The following EIF4G3 variants were observed in gnomAD, a reference collection of about 807,000 sequenced individuals.
EIF4G3 encodes the protein eIF-4-gamma 3.
In EIF4G3, 34 loss-of-function variants were observed where a neutral mutation model predicts 186.4. The observed-to-expected ratio is 0.18, with a 90% confidence interval of 0.14 to 0.24. The LOEUF (loss-of-function observed/expected upper bound fraction) is 0.24, where lower values mean the gene tolerates loss of function less well. Among genes scored for constraint, EIF4G3 ranks in the 10% least tolerant of loss-of-function variants. The pLI, the probability that EIF4G3 is intolerant of heterozygous loss-of-function variation, is 1.00. For missense variants in EIF4G3, 1,536 were observed against 1,948.5 expected, an observed-to-expected ratio of 0.79 and a Z score of 3.99; for synonymous variants, 673 against 679.5, an observed-to-expected ratio of 0.99 and a Z score of 0.15.
intron 28 of EIF4G3, among the ~76,000 whole-genome samples, chr1:20,849,971 TC>T (rs2072738941): frequency 6.6e-6 from 1 of 152,154 alleles, no homozygotes; most frequent in African/African-American, 2.4e-5. Context: ...GCTCTTTCCC[TC>T]TGTTTCACAC....
intron 19 of EIF4G3, among the ~76,000 whole-genome samples, chr1:20,884,050 C>T (rs1206056183): frequency 6.6e-6 from 1 of 151,982 alleles, no homozygotes; most frequent in Non-Finnish European, 1.5e-5. Flanking sequence ...CAACAGTGGT[C>T]GTTCACAATG....
intron 2 of EIF4G3, among the ~76,000 whole-genome samples, chr1:21,128,965 A>G (rs1040838696): frequency 2.6e-5 from 4 of 152,238 alleles, no homozygotes; most frequent in African/African-American, 9.6e-5. Flanking sequence ...GCAAGAAAAC[A>G]AAATGAACTG....
At chr1:20,882,059 G>A (rs2082495719) in intron 19 of EIF4G3, among the ~76,000 whole-genome samples, 1 of 151,732 alleles carries the variant, frequency 6.6e-6, no homozygotes, top group Non-Finnish European at 1.5e-5. Context: ...GCTACTTGTG[G>A]GGCTGAGGCA....
chr1:20,843,893 G>A lies in EIF4G3; in HGVS notation c.3889-2865C>T, dbSNP rs988970243. ...CATCATTTAGTTTCCACTTATAAGT[G>A]AGAACATGAAGTATTTGCTTTTCTG... On this transcript the variant is annotated intron_variant, in intron 29 of 36. Coordinates refer to ENST00000602326, the MANE Select transcript of EIF4G3 (RefSeq NM_001391906.1). Among the ~76,000 whole-genome samples the A allele has an allele frequency of 2.6e-5, 4 of 152,234 alleles. No homozygotes were observed. The East Asian group carries it at 7.7e-4, about 29-fold the overall frequency.
At chr1:20,936,429 T>C (rs895854044) in intron 14 of EIF4G3, among the ~76,000 whole-genome samples, 2 of 152,204 alleles carry the variant, frequency 1.3e-5, no homozygotes, top group African/African-American at 4.8e-5. Flanking sequence ...CCTGTTTCCA[T>C]GTTTCCAGAA....
At chr1:21,073,625 G>C (rs1196176187) in intron 3 of EIF4G3, 2 of 517,622 alleles carry the variant, frequency 3.9e-6, no homozygotes, top group Non-Finnish European at 7.7e-6. Context: ...GTCTCCCTGG[G>C]CACACGCCAC....
intron 16 of EIF4G3, among the ~76,000 whole-genome samples, chr1:20,897,235 T>C (rs545042797): frequency 1.3e-5 from 2 of 152,154 alleles, no homozygotes; most frequent in East Asian, 1.9e-4. Context: ...TCACTTCACA[T>C]ACACACTAAG....
chr1:20,896,998 C>G (rs1263922016), intron 16 of EIF4G3, among the ~76,000 whole-genome samples: 1 of 152,126 alleles, frequency 6.6e-6, no homozygotes, highest in East Asian at 1.9e-4. Flanking sequence ...AAGAAATTGC[C>G]TAATGATGCA....
chr1:20,857,052 A>G (rs2075119274), intron 25 of EIF4G3, among the ~76,000 whole-genome samples: 1 of 151,814 alleles, frequency 6.6e-6, no homozygotes, highest in African/African-American at 2.4e-5. Flanking sequence ...AGTCCCAGCT[A>G]CTTGGGAGGC....
chr1:20,894,671 C>T (rs2087322695), intron 17 of EIF4G3, among the ~76,000 whole-genome samples: 1 of 152,120 alleles, frequency 6.6e-6, no homozygotes, highest in Non-Finnish European at 1.5e-5. Context: ...GATATGATTC[C>T]ATAAGATAGT....
chr1:21,153,142 A>G (rs1343786639), intron 2 of EIF4G3, among the ~76,000 whole-genome samples: 1 of 152,210 alleles, frequency 6.6e-6, no homozygotes, highest in East Asian at 1.9e-4. Flanking sequence ...GTTCTCCTGA[A>G]GTGTATAGCA....
chr1:20,887,363 C>T (rs964928276), intron 18 of EIF4G3, among the ~76,000 whole-genome samples: 6 of 151,950 alleles, frequency 3.9e-5, no homozygotes, highest in African/African-American at 1.4e-4. Flanking sequence ...TCATTTAACG[C>T]TTCAGAGAAA....
intron 14 of EIF4G3, among the ~76,000 whole-genome samples, chr1:20,930,612 C>G (rs1464038248): frequency 6.6e-6 from 1 of 152,134 alleles, no homozygotes; most frequent in African/African-American, 2.4e-5. Flanking sequence ...GTTGCCCAGG[C>G]TAGTCTCAAG....
chr1:20,974,860 G>A (rs945901011), intron 10 of EIF4G3, among the ~76,000 whole-genome samples: 1 of 152,126 alleles, frequency 6.6e-6, no homozygotes, highest in Non-Finnish European at 1.5e-5. Flanking sequence ...ATAGAACATG[G>A]ATAATTGATT....
intron 36 of EIF4G3, among the ~76,000 whole-genome samples, chr1:20,807,790 A>G (rs1336459975): frequency 4.3e-5 from 4 of 92,328 alleles, no homozygotes; most frequent in Non-Finnish European, 8.2e-5. Context: ...TTGAGAGACA[A>G]TCTTGTTCTG....
In EIF4G3 at chr1:21,135,429, A is replaced by C. The variant is rs565427879; in HGVS notation, c.-272+40746T>G. On this transcript the variant is annotated intron_variant, in intron 2 of 36. Transcript: ENST00000602326. The stretch of plus-strand genomic sequence containing the variant: ...GGCAGGAGAATCACTTGAACCTGGG[A>C]GGCAGAGGTTGCAATGAACCGAGAT... 4.4e-3 allele frequency among the ~76,000 whole-genome samples: 671 copies of C among 152,310 alleles called. 5 individuals are homozygous for C. Among genetic ancestry groups the C allele is most frequent in the Middle Eastern group, 0.014 (4 of 294 alleles).
rs568111073 is a variant in EIF4G3, at chr1:21,141,856, G to C, written c.-272+34319C>G. ...TGAAGGGGAAGAATCGCTTGAGCCT[G>C]GGAAATCGACGCTGCAGTGAGCTGT... On this transcript the variant is annotated intron_variant, in intron 2 of 36. Transcript: ENST00000602326. Among the ~76,000 whole-genome samples, 3 of 152,030 alleles carry C rather than the reference G, an allele frequency of 2.0e-5. No individual in the cohort carries two copies. The South Asian group carries it at 6.2e-4, about 32-fold the overall frequency.
At chr1:20,837,574 C>T (rs2067137234) in intron 30 of EIF4G3, among the ~76,000 whole-genome samples, 1 of 152,168 alleles carries the variant, frequency 6.6e-6, no homozygotes, top group South Asian at 2.1e-4. Flanking sequence ...GCTTCCCCAA[C>T]TGTTCAGAAG....
At chr1:21,026,178 T>A (rs887147817) in intron 4 of EIF4G3, among the ~76,000 whole-genome samples, 1 of 152,096 alleles carries the variant, frequency 6.6e-6, no homozygotes, top group Non-Finnish European at 1.5e-5. Flanking sequence ...AAAAGTGCAG[T>A]ACTGGTGTAA....
Sources: allele counts gnomAD v4.1 joint callset (sites outside exome capture counted in the v4.1 genomes callset), GRCh38; gene constraint gnomAD v4.1.1; transcripts MANE v1.5; gene names NCBI Gene and HGNC (gene_info 2026-07-23, HGNC 2026-07-21).